The following MYO7A variants were observed in gnomAD, a reference collection of about 807,000 sequenced individuals.
MYO7A encodes the protein myosin VIIA, also known as unconventional myosin-VIIa.
A neutral mutation model predicts 263.8 loss-of-function variants in MYO7A; 210 were observed. The ratio of observed to expected loss-of-function variants is 0.80; its 90% CI spans 0.71 to 0.89. The LOEUF (loss-of-function observed/expected upper bound fraction) is 0.89, where lower values mean the gene tolerates loss of function less well. Ranked by LOEUF, MYO7A falls within the 40% of genes least tolerant of loss-of-function variation. The probability of loss-of-function intolerance (pLI) is 0.00; values close to 1 mark genes in which losing one functional copy is unlikely to be tolerated. For missense variants in MYO7A, 2,820 were observed against 2,968.3 expected (o/e 0.95, Z 1.16); for synonymous variants, 1,239 against 1,197.3 (o/e 1.03, Z -0.72).
At chr11:77,176,889 A>G (rs946906872) in intron 18 of MYO7A, among the ~76,000 whole-genome samples, 3 of 152,102 alleles carry the variant, frequency 2.0e-5, no homozygotes, top group Non-Finnish European at 1.5e-5. Flanking sequence ...CAATTCATAT[A>G]TATTAAGTGA....
At chr11:77,196,591 G>T (rs974931183) in intron 32 of MYO7A, among the ~76,000 whole-genome samples, 4 of 152,146 alleles carry the variant, frequency 2.6e-5, no homozygotes, top group Non-Finnish European at 4.4e-5. Context: ...CAGATTCACT[G>T]GGTGATAGCC....
chr11:77,181,356 TTC>T (rs1555083971), intron 22 of MYO7A, 22 bp from the exon 23 acceptor site: 15 of 1,542,506 alleles, frequency 9.7e-6, no homozygotes. Flanking sequence ...ACCCCGTGTC[TTC>T]TGTGTCACCC....
rs370217379 is a variant in MYO7A at position 77,177,524 on chromosome 11, G to A, written c.2188-25G>A. The A allele has an allele frequency of 1.8e-4, 290 of 1,582,500 alleles. 1 individual carries two copies. The highest frequency in any genetic ancestry group is 4.8e-4 in the African/African-American group (36 of 74,236). On this transcript the variant is annotated intron_variant, in intron 18 of 48. Coordinates refer to ENST00000409709, the MANE Select transcript of MYO7A (RefSeq NM_000260.4). Reference sequence around the variant, plus strand: ...GGTCCTAGAGGAGACCTTGTGGGGCGCTGCTCAGGAGCTCTGCCTCCTAGG... The same window carrying A: ...GGTCCTAGAGGAGACCTTGTGGGGCACTGCTCAGGAGCTCTGCCTCCTAGG...
chr11:77,151,540 A>AG (rs1951964134), intron 4 of MYO7A, among the ~76,000 whole-genome samples: 1 of 152,102 alleles, frequency 6.6e-6, no homozygotes, highest in Non-Finnish European at 1.5e-5. Flanking sequence ...GGCCTCAGAG[A>AG]GGCCCCCTGA....
In MYO7A at chr11:77,214,596, C is replaced by A. The variant is rs34517202; in HGVS notation, c.6559-11C>A. 36 of 1,556,600 alleles carry A rather than the reference C, an allele frequency of 2.3e-5. No homozygotes were observed. The highest frequency in any genetic ancestry group is 3.1e-5 in the Non-Finnish European group (35 of 1,146,354). On this transcript the variant is annotated splice_polypyrimidine_tract_variant and intron_variant, in intron 48 of 48. Coordinates refer to ENST00000409709, the MANE Select transcript of MYO7A (RefSeq NM_000260.4). The stretch of plus-strand genomic sequence containing the variant: ...CCGTGTGCTCGCTTATCTTCTCACC[C>A]CTGCTTCCAGGGCTACAAGATGGAT...
At chr11:77,182,347 C>G in intron 24 of MYO7A, 77 bp from the exon 25 acceptor site, 1 of 1,502,194 alleles carries the variant, frequency 6.7e-7, no homozygotes, top group African/African-American at 1.4e-5. Context: ...CCAGCCCACT[C>G]CCCAAACCGC....
intron 14 of MYO7A, 30 bp downstream of exon 14, chr11:77,163,018 C>T: frequency 1.2e-6 from 2 of 1,610,846 alleles, no homozygotes; most frequent in Middle Eastern, 3.3e-4. Flanking sequence ...GTCTGTCACT[C>T]CCTGCCCGTG....
chr11:77,204,177 A>T lies in MYO7A; in HGVS notation c.5428A>T (p.Lys1810Ter), dbSNP rs778009227. 2 of 1,588,040 alleles carry T rather than the reference A, an allele frequency of 1.3e-6. No homozygotes were observed. The highest frequency in any genetic ancestry group is 1.7e-4 in the Middle Eastern group (1 of 6,042). The stretch of plus-strand genomic sequence containing the variant: ...GGGTCCCCTGAAAGCCGAGCCCCTG[A>T]AGGACGAGGCATATGTGCAGATCCT... ...FEGPLKAEPLKDEAYVQILKQ... is the reference protein window; with the variant it reads ...FEGPLKAEPL The change falls in exon 39 of 49, where the codon AAG becomes TAG. Residue 1810 changes from lysine (K) to a stop codon, truncating the protein, a stop_gained. Transcript: ENST00000409709. LOFTEE classifies it high-confidence loss of function.
chr11:77,189,916 T>C, intron 28 of MYO7A, 104 bp from the exon 29 acceptor site: 7 of 1,433,504 alleles, frequency 4.9e-6, no homozygotes, highest in South Asian at 3.0e-5. Flanking sequence ...GAAAGCAACC[T>C]GGCCTGGAGG....
At position 77,208,679 on chromosome 11, in the gene MYO7A, G is replaced by C. The variant is rs1384824320; in HGVS notation, c.5945-18G>C. ...CTGTGCAGGGACCCTCTGGGTGACCGACTGCCCTGTGCTGCAGGAATTGTG... is the reference window on the plus strand; with the variant it reads ...CTGTGCAGGGACCCTCTGGGTGACCCACTGCCCTGTGCTGCAGGAATTGTG... On this transcript the variant is annotated intron_variant, in intron 43 of 48. Transcript: ENST00000409709. 6.4e-7 allele frequency: 1 copy of C among 1,557,104 alleles called. No homozygotes were observed. The highest frequency in any genetic ancestry group is 8.7e-7 in the Non-Finnish European group (1 of 1,145,872).
rs374162462 is a variant in MYO7A, at chr11:77,202,365, G to A, written c.5109G>A (p.Ala1703=). The stretch of plus-strand genomic sequence containing the variant: ...TCCGGCTCTTGCAGCTGCGAACGGC[G>A]GAGCCCGAGGTGCGTGCCAAGCCCT... ...DVVRLLQLRT[A]EPEVRAKPYT... The change falls in exon 37 of 49, where the codon GCG becomes GCA. Residue 1703 remains alanine (A), a synonymous_variant. Transcript: ENST00000409709. 30 of 1,564,030 alleles carry A rather than the reference G, an allele frequency of 1.9e-5. No individual in the cohort carries two copies. Among genetic ancestry groups the A allele is most frequent in the African/African-American group, 2.7e-5 (2 of 73,664 alleles).
At chr11:77,208,977 TG>T (rs1346966334) in intron 44 of MYO7A, 174 bp downstream of exon 44, 1 of 608,438 alleles carries the variant, frequency 1.6e-6, no homozygotes, top group African/African-American at 1.8e-5. Flanking sequence ...CCCTGATCCT[TG>T]TATCTTCTGA....
intron 42 of MYO7A, 104 bp downstream of exon 42, chr11:77,207,506 G>C: frequency 4.6e-6 from 4 of 872,792 alleles, no homozygotes; most frequent in Non-Finnish European, 7.5e-6. Flanking sequence ...GAGGGGAAGA[G>C]GGCACTGGCA....
At position 77,182,405 on chromosome 11, in the gene MYO7A, C is replaced by T. The variant is rs558765762; in HGVS notation, c.3109-19C>T. On this transcript the variant is annotated intron_variant, in intron 24 of 48. Coordinates refer to ENST00000409709, the MANE Select transcript of MYO7A (RefSeq NM_000260.4). ...CAATGTCCTCCGCTCTGGCCTCTGA[C>T]ATGCGCGCTCTGCCCCAGGCAGCCC... is the stretch of plus-strand genomic sequence containing the variant. 1.2e-6 allele frequency: 2 copies of T among 1,604,816 alleles called. No homozygotes were observed. Among genetic ancestry groups the T allele is most frequent in the African/African-American group, 2.7e-5 (2 of 74,860 alleles).
chr11:77,212,499 C>T lies in MYO7A; in HGVS notation c.6355-453C>T, dbSNP rs78659067. On this transcript the variant is annotated intron_variant, in intron 46 of 48. Transcript: ENST00000409709. ...CTTGGAGGGTTTTGAACACAGGTGACGTGGCCAGAAAGCCTCTCAGGCTGC... is the reference window on the plus strand; with the variant it reads ...CTTGGAGGGTTTTGAACACAGGTGATGTGGCCAGAAAGCCTCTCAGGCTGC... The T allele has an allele frequency of 8.1e-3, 2,764 of 339,194 alleles. 60 individuals are homozygous for T. The highest frequency in any genetic ancestry group is 0.053 in the African/African-American group (2,456 of 46,640). 21.0% of individuals were successfully genotyped at this position (339,194 alleles called of 1,614,324 possible). A position where few individuals can be genotyped will look rare whatever the true frequency, so the allele number is the denominator to read the frequency against.
intron 4 of MYO7A, 82 bp downstream of exon 4, chr11:77,148,032 C>G: frequency 1.6e-6 from 2 of 1,288,274 alleles, no homozygotes; most frequent in Non-Finnish European, 1.0e-6. Context: ...CCCGACTTGC[C>G]TCCGGCCCCG....
chr11:77,189,930 G>C, intron 28 of MYO7A, 90 bp from the exon 29 acceptor site: 1 of 1,440,340 alleles, frequency 6.9e-7, no homozygotes, highest in Non-Finnish European at 9.1e-7. Context: ...CTGGAGGAGC[G>C]GCCTCCAAGT....
In MYO7A at chr11:77,138,372, G is replaced by T. The variant is rs7120446; in HGVS notation, c.19-4337G>T. Among the ~76,000 whole-genome samples the T allele has an allele frequency of 0.058, 8,844 of 152,050 alleles. 870 individuals are homozygous for T. Among genetic ancestry groups the T allele is most frequent in the African/African-American group, 0.2 (8,377 of 41,488 alleles). Reference sequence around the variant, plus strand: ...TCCCGCAGCCCGGCAAGTGGGCGCTGGTGCGCAGCCTGAACCAGGCGTTCA... The same window carrying T: ...TCCCGCAGCCCGGCAAGTGGGCGCTTGTGCGCAGCCTGAACCAGGCGTTCA... On this transcript the variant is annotated intron_variant, in intron 2 of 48. Coordinates refer to ENST00000409709, the MANE Select transcript of MYO7A (RefSeq NM_000260.4). The surrounding 1 kb of genome is among the most constrained non-coding windows in gnomAD (Gnocchi z 4.9).
chr11:77,188,534 C>A (rs1591405562), intron 27 of MYO7A, among the ~76,000 whole-genome samples: 1 of 151,212 alleles, frequency 6.6e-6, no homozygotes, highest in African/African-American at 2.5e-5. Flanking sequence ...TGCCCCCTGG[C>A]GGACACTGCA....
Sources: gnomAD v4.1 joint callset for allele counts (sites outside exome capture counted in the v4.1 genomes callset) on GRCh38, gnomAD v4.1.1 for gene constraint, Gnocchi (gnomAD v3.1) non-coding constraint, MANE v1.5 for transcripts, NCBI Gene and HGNC (gene_info 2026-07-23, HGNC 2026-07-21) for gene names.